GRID1: variants seen among roughly 807,000 people sequenced by gnomAD.
GRID1 encodes glutamate receptor ionotropic, delta-1.
GRID1 carries 28 observed loss-of-function variants against 98.0 expected under a neutral mutation model. The ratio of observed to expected loss-of-function variants is 0.29; its 90% CI spans 0.21 to 0.39. The LOEUF is 0.39. GRID1 is among the 10% of genes least tolerant of loss of function. The pLI is 1.00. For missense variants in GRID1, 1,111 were observed against 1,340.5 expected, an observed-to-expected ratio of 0.83 and a Z score of 2.67; for synonymous variants, 553 against 538.5, an observed-to-expected ratio of 1.03 and a Z score of -0.37.
intron 12 of GRID1, among the ~76,000 whole-genome samples, chr10:85,715,738 A>C (rs1841631689): frequency 6.6e-6 from 1 of 152,240 alleles, no homozygotes; most frequent in Non-Finnish European, 1.5e-5. Context: ...TATGGAAAAC[A>C]GTATGGCAAT....
chr10:85,823,576 A>C (rs1187369811), intron 8 of GRID1, among the ~76,000 whole-genome samples: 2 of 152,116 alleles, frequency 1.3e-5, no homozygotes, highest in African/African-American at 4.8e-5. Context: ...AAGCAATATA[A>C]GATTAAATAC....
intron 4 of GRID1, among the ~76,000 whole-genome samples, chr10:86,124,268 G>T (rs1844719348): frequency 6.6e-6 from 1 of 152,128 alleles, no homozygotes; most frequent in South Asian, 2.1e-4. Flanking sequence ...TCTGACAAAG[G>T]CCTGAAAGCC....
At chr10:86,281,837 G>A (rs778476882) in intron 2 of GRID1, among the ~76,000 whole-genome samples, 4 of 152,212 alleles carry the variant, frequency 2.6e-5, no homozygotes, top group Non-Finnish European at 5.9e-5. Flanking sequence ...GGGCAGCCAG[G>A]TTGAGACCCT....
intron 8 of GRID1, among the ~76,000 whole-genome samples, chr10:85,737,673 T>TATATATATATATATATAA (rs1342754070): frequency 0.011 from 1,290 of 112,682 alleles, 47 homozygotes; most frequent in South Asian, 0.018. Context: ...TATATATATA[T>TATATATATATATATATAA]AAACATATAT....
At chr10:86,185,660 G>T (rs1267349463) in intron 3 of GRID1, among the ~76,000 whole-genome samples, 2 of 152,162 alleles carry the variant, frequency 1.3e-5, no homozygotes, top group Non-Finnish European at 2.9e-5. Flanking sequence ...CCAGTTTGCT[G>T]AGAGTTTTAA....
At chr10:86,222,914 C>G (rs189250560) in intron 2 of GRID1, among the ~76,000 whole-genome samples, 2 of 152,284 alleles carry the variant, frequency 1.3e-5, no homozygotes, top group Admixed American at 6.5e-5. Flanking sequence ...ACAGCACCGT[C>G]ACCCCCTGGG....
chr10:85,707,621 C>A (rs1039443135), intron 12 of GRID1, among the ~76,000 whole-genome samples: 1 of 152,028 alleles, frequency 6.6e-6, no homozygotes, highest in Non-Finnish European at 1.5e-5. Flanking sequence ...GGGTATATAC[C>A]CAAAGGATTA....
At chr10:85,802,208 A>G (rs1347868272) in intron 8 of GRID1, among the ~76,000 whole-genome samples, 2 of 152,292 alleles carry the variant, frequency 1.3e-5, no homozygotes, top group South Asian at 2.1e-4. Flanking sequence ...TAATCAAAAA[A>G]GCAACATTTC....
At chr10:85,997,021 GA>G (rs959941375) in intron 4 of GRID1, among the ~76,000 whole-genome samples, 9 of 152,032 alleles carry the variant, frequency 5.9e-5, no homozygotes, top group African/African-American at 1.4e-4. Context: ...TAGAGACAAA[GA>G]AAAAAATCTT....
intron 8 of GRID1, among the ~76,000 whole-genome samples, chr10:85,791,285 T>C (rs926048323): frequency 6.6e-6 from 1 of 152,180 alleles, no homozygotes; most frequent in East Asian, 1.9e-4. Context: ...AGATGCCCCA[T>C]GGCGAGATGG....
At chr10:86,153,764 C>T (rs533399701) in intron 3 of GRID1, among the ~76,000 whole-genome samples, 2 of 152,220 alleles carry the variant, frequency 1.3e-5, no homozygotes, top group Admixed American at 6.5e-5. Context: ...CAAATTAAAG[C>T]CACATCAATA....
chr10:86,269,506 C>A (rs948705851), intron 2 of GRID1, among the ~76,000 whole-genome samples: 12 of 152,234 alleles, frequency 7.9e-5, no homozygotes, highest in Non-Finnish European at 1.6e-4. Flanking sequence ...GACATTGACC[C>A]CTGCTAATTA....
At chr10:86,054,196 G>C (rs146203291) in intron 4 of GRID1, among the ~76,000 whole-genome samples, 8 of 148,770 alleles carry the variant, frequency 5.4e-5, no homozygotes, top group Non-Finnish European at 7.5e-5. Context: ...CCCAGAGTGC[G>C]ATACCACAGG....
intron 8 of GRID1, among the ~76,000 whole-genome samples, chr10:85,783,948 G>A (rs1233800259): frequency 1.3e-5 from 2 of 152,160 alleles, no homozygotes; most frequent in Admixed American, 6.6e-5. Flanking sequence ...TTGAGGTTGG[G>A]AGATATCGCT....
intron 4 of GRID1, among the ~76,000 whole-genome samples, chr10:85,954,604 A>T (rs1321352469): frequency 6.6e-6 from 1 of 152,236 alleles, no homozygotes; most frequent in Non-Finnish European, 1.5e-5. Flanking sequence ...CTGCCACTAA[A>T]TTTGACAACA....
At chr10:86,235,275 A>G (rs1846519400) in intron 2 of GRID1, among the ~76,000 whole-genome samples, 1 of 152,144 alleles carries the variant, frequency 6.6e-6, no homozygotes, top group South Asian at 2.1e-4. Context: ...CCCGAGGCTG[A>G]CCTCTCTGTA....
chr10:86,349,529 T>C (rs1437667425), intron 2 of GRID1, among the ~76,000 whole-genome samples: 1 of 152,198 alleles, frequency 6.6e-6, no homozygotes, highest in African/African-American at 2.4e-5. Context: ...CACATGGCCT[T>C]GGAAGCCCTC....
chr10:85,972,804 A>G (rs557320678), intron 4 of GRID1, among the ~76,000 whole-genome samples: 1 of 152,320 alleles, frequency 6.6e-6, no homozygotes, highest in East Asian at 1.9e-4. Flanking sequence ...AAATGAACAC[A>G]TTGATGATTC....
chr10:85,823,241 A>G (rs969571316), intron 8 of GRID1, among the ~76,000 whole-genome samples: 1 of 152,178 alleles, frequency 6.6e-6, no homozygotes, highest in African/African-American at 2.4e-5. Flanking sequence ...TACTTCAATC[A>G]TCTCTCAGTA....
Sources: gnomAD v4.1 joint callset for allele counts (sites outside exome capture counted in the v4.1 genomes callset) on GRCh38, gnomAD v4.1.1 for gene constraint, MANE v1.5 for transcripts, NCBI Gene and HGNC (gene_info 2026-07-23, HGNC 2026-07-21) for gene names.